CCDC88A: variants seen among roughly 807,000 people sequenced by gnomAD.
CCDC88A encodes the protein girdin.
CCDC88A carries 54 observed loss-of-function variants against 234.3 expected under a neutral mutation model. The observed-to-expected ratio is 0.23, with a 90% CI of 0.19 to 0.29. CCDC88A has a LOEUF of 0.29. Among genes scored for constraint, CCDC88A ranks in the 10% least tolerant of loss-of-function variants. The pLI is 1.00. For synonymous variants in CCDC88A, 753 were observed against 737.8 expected (o/e 1.02, Z -0.33); for missense variants, 1,832 against 2,123.4 (o/e 0.86, Z 2.70).
At position 55,288,205 on chromosome 2, in the gene CCDC88A, A is replaced by G. The variant is rs558419614; in HGVS notation, c.*2995T>C. On this transcript the variant is annotated 3_prime_UTR_variant, in exon 33 of 33. Coordinates refer to ENST00000436346, the MANE Select transcript of CCDC88A (RefSeq NM_001365480.1). ...AAATTAGATTTTGTTGAAGGGTGTT[A>G]TAAGTGCAACTTTATCCATATGCAT... The G allele has an allele frequency of 3.3e-5, 5 of 152,798 alleles. No individual in the cohort carries two copies. The highest frequency in any genetic ancestry group is 2.1e-4 in the South Asian group (1 of 4,830). 9.5% of individuals were successfully genotyped at this position (152,798 alleles called of 1,614,324 possible).
intron 29 of CCDC88A, among the ~76,000 whole-genome samples, chr2:55,298,525 C>A (rs1028053105): frequency 6.6e-6 from 1 of 151,980 alleles, no homozygotes. Context: ...ACAACTGAGA[C>A]AAAATAATTT....
At position 55,317,444 on chromosome 2, in the gene CCDC88A, T is replaced by TAAATTTACATAAG; in HGVS notation, c.3603-96_3603-95insCTTATGTAAATTT. ...TAATGAGTATCATTTAAAACACATG[T>TAAATTTACATAAG]AAATTTATATAAATTTCTTATGTAA... On this transcript the variant is annotated intron_variant, in intron 20 of 32. Transcript: ENST00000436346. This position sits in a 1 kb window ranked among gnomAD's most constrained non-coding sequence, Gnocchi z 4.2. 8.7e-7 allele frequency: 1 copy of TAAATTTACATAAG among 1,144,476 alleles called. No homozygotes were observed. The highest frequency in any genetic ancestry group is 1.2e-6 in the Non-Finnish European group (1 of 841,218). The allele number at this position is 1,144,476 out of a possible 1,614,324, so 70.9% of individuals were successfully genotyped here.
intron 2 of CCDC88A, chr2:55,417,148 CG>C (rs1318846149): frequency 4.6e-5 from 7 of 151,770 alleles, no homozygotes; most frequent in African/African-American, 1.7e-4. Context: ...TGGAAATTAA[CG>C]TATTTGTTTT....
At chr2:55,379,145 C>A (rs796798577) in intron 3 of CCDC88A, among the ~76,000 whole-genome samples, 3 of 152,228 alleles carry the variant, frequency 2.0e-5, no homozygotes, top group African/African-American at 7.2e-5. Context: ...AGAGTAGATG[C>A]TTAAAAACTG....
intron 26 of CCDC88A, 26 bp from the exon 27 acceptor site, chr2:55,302,098 A>G: frequency 6.4e-7 from 1 of 1,558,408 alleles, no homozygotes; most frequent in East Asian, 2.2e-5. Flanking sequence ...AAGCAAATGA[A>G]TCAGCATGGT....
In CCDC88A at chr2:55,305,924, G is replaced by GT. The variant is rs901762211; in HGVS notation, c.4388-2773dup. 1.3e-4 allele frequency among the ~76,000 whole-genome samples: 20 copies of GT among 150,880 alleles called. No individual in the cohort carries two copies. In the East Asian group the frequency reaches 3.3e-3, roughly 25 times the overall value. On this transcript the variant is annotated intron_variant, in intron 25 of 32. Coordinates refer to ENST00000436346, the MANE Select transcript of CCDC88A (RefSeq NM_001365480.1). ...ACCTATTACTATTTCTTTCTTTTTTGTTTTTTTTGAGATGGAGTCTCGCTC... is the reference window on the plus strand; with the variant it reads ...ACCTATTACTATTTCTTTCTTTTTTGTTTTTTTTTGAGATGGAGTCTCGCTC...
In CCDC88A at chr2:55,335,035, T is replaced by C. The variant is rs901027876; in HGVS notation, c.1786A>G (p.Ile596Val). 3.7e-6 allele frequency: 6 copies of C among 1,611,220 alleles called. No individual in the cohort carries two copies. Among genetic ancestry groups the C allele is most frequent in the South Asian group, 1.1e-5 (1 of 90,684 alleles). Residue 596 changes from isoleucine to valine, a missense_variant, in exon 15 of 33, where the codon ATC (isoleucine) becomes GTC (valine). Around this residue, in one of 6 missense-constraint regions of CCDC88A, gnomAD observed 1,282 missense variants for 1,543.6 expected, o/e 0.83. Coordinates refer to ENST00000436346, the MANE Select transcript of CCDC88A (RefSeq NM_001365480.1). The surrounding 1 kb of genome is among the most constrained non-coding windows in gnomAD (Gnocchi z 4.5). ...EKENKILHES[I>V]KETSSKLSKI... ...CTTAGCTTGCTACTTGTTTCTTTGA[T>C]AGATTCATGAAGAATTTTGTTTTCT...
At chr2:55,402,981 C>T (rs1291615716) in intron 2 of CCDC88A, among the ~76,000 whole-genome samples, 1 of 151,968 alleles carries the variant, frequency 6.6e-6, no homozygotes, top group Non-Finnish European at 1.5e-5. Context: ...TGCACTCCAG[C>T]CTGGGCAACT....
At chr2:55,396,853 G>C (rs1196816988) in intron 2 of CCDC88A, among the ~76,000 whole-genome samples, 3 of 135,716 alleles carry the variant, frequency 2.2e-5, no homozygotes, top group Non-Finnish European at 4.6e-5. Context: ...CTGGGCAACG[G>C]AGCAAGACTC....
intron 13 of CCDC88A, among the ~76,000 whole-genome samples, chr2:55,337,900 C>G (rs1185146987): frequency 6.6e-6 from 1 of 151,978 alleles, no homozygotes; most frequent in Admixed American, 6.6e-5. Flanking sequence ...AGCATCAGGT[C>G]AAAAAACTTA....
chr2:55,387,779 CA>C (rs66479611), intron 3 of CCDC88A, among the ~76,000 whole-genome samples: 21,388 of 65,070 alleles, frequency 0.33, 658 homozygotes, highest in East Asian at 0.45. Context: ...GGCTCCATCT[CA>C]AAAAAAAAAA....
intron 18 of CCDC88A, among the ~76,000 whole-genome samples, chr2:55,319,273 C>T (rs1683332291): frequency 6.6e-6 from 1 of 151,906 alleles, no homozygotes; most frequent in South Asian, 2.1e-4. Context: ...ATAAAATATC[C>T]CATTCTAAAT....
At chr2:55,390,517 G>A (rs1424723167) in intron 2 of CCDC88A, among the ~76,000 whole-genome samples, 1 of 152,186 alleles carries the variant, frequency 6.6e-6, no homozygotes, top group Non-Finnish European at 1.5e-5. Context: ...ACCAAACTGA[G>A]CTATTAATAA....
Position 55,336,748 on chromosome 2 carries a change from T to A in CCDC88A, c.1589A>T (p.Asp530Val), listed in dbSNP as rs2104696253. The A allele has an allele frequency of 6.3e-7, 1 of 1,598,070 alleles. No homozygotes were observed. The highest frequency in any genetic ancestry group is 2.3e-5 in the East Asian group (1 of 44,150). ...AAGCTGAGCTTTCTCCTTCATTAGATCCTTGCTTAAATTCTGACAATTCTG... is the reference window on the plus strand; with the variant it reads ...AAGCTGAGCTTTCTCCTTCATTAGAACCTTGCTTAAATTCTGACAATTCTG... Reference protein sequence around the residue: ...SLQNCQNLSKDLMKEKAQLEK... With the variant: ...SLQNCQNLSKVLMKEKAQLEK... The change falls in exon 14 of 33, where the codon GAT becomes GTT. Residue 530 changes from aspartate to valine, a missense_variant. Asp to Val is a radical substitution (Grantham distance 152). This residue lies in a region of CCDC88A where 1,282 missense variants were observed against 1,543.6 expected (regional missense o/e 0.83). Coordinates refer to ENST00000436346, the MANE Select transcript of CCDC88A (RefSeq NM_001365480.1).
intron 7 of CCDC88A, 166 bp downstream of exon 7, chr2:55,362,142 T>G (rs371150677): frequency 4.2e-6 from 2 of 480,040 alleles, no homozygotes. Flanking sequence ...TACTAGCAAT[T>G]TGGGGTTCTT....
intron 17 of CCDC88A, among the ~76,000 whole-genome samples, chr2:55,327,154 C>T (rs1429083275): frequency 6.6e-6 from 1 of 151,924 alleles, no homozygotes; most frequent in Non-Finnish European, 1.5e-5. Context: ...TATTCTGTAA[C>T]AATGTATGTT....
chr2:55,346,402 T>C, intron 9 of CCDC88A, 69 bp from the exon 10 acceptor site: 1 of 870,546 alleles, frequency 1.1e-6, no homozygotes, highest in Non-Finnish European at 1.7e-6. Context: ...TGTTGCACAA[T>C]TTGAAATTTT....
At chr2:55,355,543 T>C (rs987035644) in intron 8 of CCDC88A, 36 bp downstream of exon 8, 7 of 1,582,078 alleles carry the variant, frequency 4.4e-6, no homozygotes, top group South Asian at 3.3e-5. Context: ...TTTGGGACCA[T>C]ATAAATTCAA....
At position 55,309,223 on chromosome 2, in the gene CCDC88A, C is replaced by T; in HGVS notation, c.4111G>A (p.Glu1371Lys). 1.3e-6 allele frequency: 2 copies of T among 1,517,860 alleles called. No individual in the cohort carries two copies. Among genetic ancestry groups the T allele is most frequent in the Non-Finnish European group, 1.8e-6 (2 of 1,106,532 alleles). The allele number at this position is 1,517,860 out of a possible 1,614,324, so 94.0% of individuals were successfully genotyped here. The change falls in exon 24 of 33, where the codon GAG becomes AAG. Residue 1371 changes from glutamate to lysine, a missense_variant. Glu to Lys is a moderately conservative substitution (Grantham distance 56). Transcript: ENST00000436346. The surrounding 1 kb of genome is among the most constrained non-coding windows in gnomAD (Gnocchi z 5.1). ...TCCATAATTTTCTCTTCTAGTTTCT[C>T]CTTCTGACGTCTTAATTCATTTAAC... is the stretch of plus-strand genomic sequence containing the variant. ...DKLNELRRQK[E>K]KLEEKIMDQY...
Sources: allele counts gnomAD v4.1 joint callset (sites outside exome capture counted in the v4.1 genomes callset), GRCh38; gene constraint gnomAD v4.1.1; regional missense constraint gnomAD v4.1.1; non-coding constraint Gnocchi (gnomAD v3.1); transcripts MANE v1.5; gene names NCBI Gene and HGNC (gene_info 2026-07-23, HGNC 2026-07-21).